KIAA1755: variants seen among roughly 807,000 people sequenced by gnomAD.
KIAA1755 encodes uncharacterized protein KIAA1755.
Under a neutral mutation model 91.7 loss-of-function variants are expected in KIAA1755, and 68 were observed. That is an observed-to-expected ratio of 0.74 (90% CI 0.61 to 0.91). The LOEUF (loss-of-function observed/expected upper bound fraction) is 0.91, where lower values mean the gene tolerates loss of function less well. Ranked by LOEUF, KIAA1755 falls within the 40% of genes least tolerant of loss-of-function variation. The pLI is 0.00. For synonymous variants in KIAA1755, 610 were observed against 604.6 expected, an observed-to-expected ratio of 1.01 and a Z score of -0.13; for missense variants, 1,535 against 1,494.4, an observed-to-expected ratio of 1.03 and a Z score of -0.45.
intron 10 of KIAA1755, 148 bp downstream of exon 10, chr20:38,222,301 T>G: frequency 1.2e-6 from 1 of 813,916 alleles, no homozygotes; most frequent in Non-Finnish European, 2.0e-6. Flanking sequence ...TGACCAGGCG[T>G]CAGCCTGGGA....
intron 6 of KIAA1755, 45 bp from the exon 7 acceptor site, chr20:38,227,285 T>C (rs553640240): frequency 8.1e-6 from 12 of 1,481,808 alleles, no homozygotes; most frequent in Middle Eastern, 1.7e-4. Flanking sequence ...CAAGGCTTCA[T>C]GAAGCCTCAC....
At position 38,223,589 on chromosome 20, in the gene KIAA1755, T is replaced by C; in HGVS notation, c.2217A>G (p.Leu739=). 1 of 1,602,662 alleles carries C rather than the reference T, an allele frequency of 6.2e-7. No individual in the cohort carries two copies. ...TCTCGAATTCCTCGATGGAAGCTTG[T>C]AGCAGGGAAGAGGCCTGGTGGAGGT... ...LADLHQASSL[L]QASIEEFEKA... is the part of the protein sequence containing the mutation. The change falls in exon 9 of 14, where the codon CTA becomes CTG. Residue 739 remains leucine (L), a synonymous_variant. Coordinates refer to ENST00000279024, the MANE Select transcript of KIAA1755 (RefSeq NM_001029864.2).
chr20:38,212,760 C>T lies in KIAA1755; in HGVS notation c.*282G>A, dbSNP rs1600549997. 5.7e-6 allele frequency: 2 copies of T among 347,934 alleles called. No homozygotes were observed. The highest frequency in any genetic ancestry group is 8.9e-5 in the East Asian group (2 of 22,410). The allele number at this position is 347,934 out of a possible 1,614,324, so 21.6% of individuals were successfully genotyped here. ...GAGGGGTCTGTGCCGACAGGTCTTT[C>T]CACAATGAGAGCCTGGAGGGATGGA... is the stretch of plus-strand genomic sequence containing the variant. On this transcript the variant is annotated 3_prime_UTR_variant, in exon 14 of 14. Coordinates refer to ENST00000279024, the MANE Select transcript of KIAA1755 (RefSeq NM_001029864.2).
intron 3 of KIAA1755, 94 bp downstream of exon 3, chr20:38,240,488 A>C (rs548265388): frequency 7.8e-7 from 1 of 1,289,554 alleles, no homozygotes; most frequent in East Asian, 2.6e-5. Context: ...GAGCCAGCCC[A>C]GGTGGTCTCT....
chr20:38,238,736 C>T lies in KIAA1755; in HGVS notation c.1747+792G>A, dbSNP rs554275554. Reference sequence around the variant, plus strand: ...ACATCAGACTTGTTCTCTTATGAATCGCCAGTGCTAAGCCCAGGAACCAGT... The same window carrying T: ...ACATCAGACTTGTTCTCTTATGAATTGCCAGTGCTAAGCCCAGGAACCAGT... On this transcript the variant is annotated intron_variant, in intron 4 of 13. Transcript: ENST00000279024. 3.7e-3 allele frequency among the ~76,000 whole-genome samples: 563 copies of T among 152,288 alleles called. 6 individuals are homozygous for T. Among genetic ancestry groups the T allele is most frequent in the African/African-American group, 0.013 (525 of 41,562 alleles).
chr20:38,211,748 T>C lies in KIAA1755; in HGVS notation c.*1294A>G, dbSNP rs752170186. 3 of 152,214 alleles carry C rather than the reference T, an allele frequency of 2.0e-5. No homozygotes were observed. Among genetic ancestry groups the C allele is most frequent in the Non-Finnish European group, 4.4e-5 (3 of 68,038 alleles). 9.4% of individuals were successfully genotyped at this position (152,214 alleles called of 1,614,324 possible). ...CCACAGGGTTCCTTGAACTTGAGAA[T>C]GAAGGTCCCATGCCTGCTGAAGAGG... On this transcript the variant is annotated 3_prime_UTR_variant, in exon 14 of 14. Transcript: ENST00000279024.
chr20:38,227,377 A>G, intron 6 of KIAA1755, 137 bp from the exon 7 acceptor site: 1 of 576,154 alleles, frequency 1.7e-6, no homozygotes, highest in South Asian at 2.1e-5. Context: ...CCATGACTGG[A>G]ATCTTTGTGT....
At position 38,240,702 on chromosome 20, in the gene KIAA1755, TC is replaced by T. The variant is rs2076041609; in HGVS notation, c.1428del (p.Arg477GlufsTer8). 3.2e-6 allele frequency: 5 copies of T among 1,566,168 alleles called. No individual in the cohort carries two copies. The highest frequency in any genetic ancestry group is 4.3e-6 in the Non-Finnish European group (5 of 1,157,108). ...PPTPGLKFSF[L>X]RGQRQPSVTP... ...GTCACAGAGGGTTGCCTCTGCCCTCTCAAGAATGAGAATTTGAGCCCAGGAG... is the reference window on the plus strand; with the variant it reads ...GTCACAGAGGGTTGCCTCTGCCCTCTAAGAATGAGAATTTGAGCCCAGGAG... On this transcript the variant is annotated frameshift_variant, in exon 3 of 14. Coordinates refer to ENST00000279024, the MANE Select transcript of KIAA1755 (RefSeq NM_001029864.2). LOFTEE classifies it high-confidence loss of function.
At position 38,245,946 on chromosome 20, in the gene KIAA1755, C is replaced by T. The variant is rs774728817; in HGVS notation, c.184G>A (p.Val62Met). 14 of 1,614,050 alleles carry T rather than the reference C, an allele frequency of 8.7e-6. 1 individual carries two copies. The highest frequency in any genetic ancestry group is 1.6e-4 in the Middle Eastern group (1 of 6,084). ...TGACTTACACAGGCTGCTTCTCGCA[C>T]TTGCTCACACAGGCGCTTGGCAGGG... The part of the protein sequence containing the change: ...LIPAKRLCEQ[V>M]REAACAPYSH... The change falls in exon 2 of 14, where the codon GTG becomes ATG. Residue 62 changes from valine (V) to methionine (M), a missense_variant. Coordinates refer to ENST00000279024, the MANE Select transcript of KIAA1755 (RefSeq NM_001029864.2).
intron 10 of KIAA1755, among the ~76,000 whole-genome samples, chr20:38,220,901 C>T (rs1402170099): frequency 6.6e-6 from 1 of 152,186 alleles, no homozygotes; most frequent in Non-Finnish European, 1.5e-5. Context: ...TTAAAAAATG[C>T]TCAAAGCCAC....
At chr20:38,223,782 C>T in intron 8 of KIAA1755, 146 bp from the exon 9 acceptor site, 1 of 627,016 alleles carries the variant, frequency 1.6e-6, no homozygotes, top group Non-Finnish European at 2.8e-6. Flanking sequence ...CTGGTTAAAA[C>T]ACAGGCTCTG....
At chr20:38,218,952 T>G (rs150730515) in intron 11 of KIAA1755, among the ~76,000 whole-genome samples, 2 of 152,158 alleles carry the variant, frequency 1.3e-5, no homozygotes, top group African/African-American at 2.4e-5. Flanking sequence ...GAGTGGAAGT[T>G]CCTTTCTTAT....
chr20:38,238,427 G>A (rs1216813560), intron 4 of KIAA1755, among the ~76,000 whole-genome samples: 2 of 152,192 alleles, frequency 1.3e-5, no homozygotes, highest in Non-Finnish European at 2.9e-5. Context: ...CTTGTCTCTG[G>A]ACCTTTGCAC....
rs1432413644 is a variant in KIAA1755 at position 38,228,165 on chromosome 20, G to A, written c.1947C>T (p.Ser649=). Residue 649 remains serine, a synonymous_variant, in exon 6 of 14, where the codon AGC becomes AGT. Coordinates refer to ENST00000279024, the MANE Select transcript of KIAA1755 (RefSeq NM_001029864.2). ...CACTCACCTGGGTGGCCTGCAGGGC[G>A]CTGACCAGACCGGGCTGTGGGGGCT... The part of the protein sequence containing the change: ...RRQPPQPGLV[S]ALQATQAQVP... 5.6e-6 allele frequency: 9 copies of A among 1,604,028 alleles called. No homozygotes were observed. The highest frequency in any genetic ancestry group is 2.3e-5 in the East Asian group (1 of 44,426).
chr20:38,213,718 T>A lies in KIAA1755; in HGVS notation c.2927A>T (p.Gln976Leu), dbSNP rs1163661602. ...CAGCCTGAGCTGGGCCATCAGGTCCTGACAGTCCATGTGGAACCAGGTCAT... is the reference window on the plus strand; with the variant it reads ...CAGCCTGAGCTGGGCCATCAGGTCCAGACAGTCCATGTGGAACCAGGTCAT... ...KRMTWFHMDCQDLMAQLRLDK... is the reference protein window; with the variant it reads ...KRMTWFHMDCLDLMAQLRLDK... The change falls in exon 14 of 14, where the codon CAG becomes CTG. Residue 976 changes from glutamine to leucine, a missense_variant. Physicochemically the swap from Gln to Leu is moderately radical, Grantham distance 113. Transcript: ENST00000279024. The A allele has an allele frequency of 1.3e-6, 2 of 1,497,650 alleles. No individual in the cohort carries two copies. Among genetic ancestry groups the A allele is most frequent in the African/African-American group, 2.8e-5 (2 of 71,874 alleles). 92.8% of individuals were successfully genotyped at this position (1,497,650 alleles called of 1,614,324 possible). A position where few individuals can be genotyped will look rare whatever the true frequency, so the allele number is the denominator to read the frequency against.
chr20:38,252,338 A>C (rs2076264666), intron 1 of KIAA1755, among the ~76,000 whole-genome samples: 1 of 152,152 alleles, frequency 6.6e-6, no homozygotes, highest in African/African-American at 2.4e-5. Flanking sequence ...CCCTGTGTCC[A>C]CTACTGTCAC....
intron 1 of KIAA1755, among the ~76,000 whole-genome samples, chr20:38,246,804 C>A (rs968794482): frequency 6.6e-6 from 1 of 152,216 alleles, no homozygotes; most frequent in Non-Finnish European, 1.5e-5. Context: ...GCTCCTCCCC[C>A]AGTCCTACCT....
Position 38,217,427 on chromosome 20 carries a change from C to T in KIAA1755, c.2727G>A (p.Leu909=). Residue 909 remains leucine, a synonymous_variant, in exon 13 of 14, where the codon CTG becomes CTA. Coordinates refer to ENST00000279024, the MANE Select transcript of KIAA1755 (RefSeq NM_001029864.2). ...GLELSKQAAQ[L]GATARGAGEA... The stretch of plus-strand genomic sequence containing the variant: ...CCCCAGCCCCTCTGGCTGTAGCTCC[C>T]AGCTGAGCGGCCTGCTTGGACAGCT... 2 of 1,612,900 alleles carry T rather than the reference C, an allele frequency of 1.2e-6. No individual in the cohort carries two copies. The highest frequency in any genetic ancestry group is 2.7e-5 in the African/African-American group (2 of 75,030).
chr20:38,248,524 G>A (rs2076194654), intron 1 of KIAA1755, among the ~76,000 whole-genome samples: 1 of 152,146 alleles, frequency 6.6e-6, no homozygotes, highest in South Asian at 2.1e-4. Context: ...GGTGGCAACA[G>A]GAGGCAGGTA....
Sources: allele counts gnomAD v4.1 joint callset (sites outside exome capture counted in the v4.1 genomes callset), GRCh38; gene constraint gnomAD v4.1.1; transcripts MANE v1.5; gene names NCBI Gene and HGNC (gene_info 2026-07-23, HGNC 2026-07-21).